Variants in DOCK10 observed in about 807,000 individuals in gnomAD.
The protein encoded by DOCK10 is dedicator of cytokinesis protein 10.
In DOCK10, 145 loss-of-function variants were observed where a neutral mutation model predicts 280.1. That is an observed-to-expected ratio of 0.52 (90% CI 0.45 to 0.59). DOCK10 has a LOEUF of 0.59. Ranked by LOEUF, DOCK10 falls within the 20% of genes least tolerant of loss-of-function variation. The pLI is 0.00. For synonymous variants in DOCK10, 915 were observed against 942.2 expected (o/e 0.97, Z 0.53); for missense variants, 2,368 against 2,651.7 (o/e 0.89, Z 2.35).
Position 224,989,783 on chromosome 2 carries a change from C to T in DOCK10, c.123+52469G>A, listed in dbSNP as rs188812134. 2.6e-3 allele frequency among the ~76,000 whole-genome samples: 401 copies of T among 152,256 alleles called. 2 individuals carry two copies. The highest frequency in any genetic ancestry group is 9.4e-3 in the African/African-American group (389 of 41,546). ...ATTCTTCCTAGGACCCAGTTAGTTACCCTTTATCAAGTTGCATCTCTGCCC... is the reference window on the plus strand; with the variant it reads ...ATTCTTCCTAGGACCCAGTTAGTTATCCTTTATCAAGTTGCATCTCTGCCC... On this transcript the variant is annotated intron_variant, in intron 1 of 55. Coordinates refer to ENST00000258390, the MANE Select transcript of DOCK10 (RefSeq NM_014689.3).
chr2:225,013,921 ATAAG>A (rs1283924731), intron 1 of DOCK10, among the ~76,000 whole-genome samples: 1 of 152,050 alleles, frequency 6.6e-6, no homozygotes, highest in Non-Finnish European at 1.5e-5. Flanking sequence ...CAAAAAGTAG[ATAAG>A]TAACTCAAGA....
intron 1 of DOCK10, among the ~76,000 whole-genome samples, chr2:224,948,770 G>A (rs1003391596): frequency 2.0e-5 from 3 of 152,166 alleles, no homozygotes; most frequent in Non-Finnish European, 2.9e-5. Context: ...ACCATCTGTG[G>A]ATCCATCCAA....
intron 1 of DOCK10, among the ~76,000 whole-genome samples, chr2:224,991,047 TATC>T (rs1271592657): frequency 3.3e-5 from 5 of 152,176 alleles, no homozygotes. Context: ...CCAGAAGCAA[TATC>T]ATTCTGACCT....
At chr2:224,790,164 G>T (rs997289927) in intron 47 of DOCK10, among the ~76,000 whole-genome samples, 1 of 152,176 alleles carries the variant, frequency 6.6e-6, no homozygotes, top group African/African-American at 2.4e-5. Context: ...GATTTTAAAA[G>T]GTCTGTCTCT....
intron 1 of DOCK10, among the ~76,000 whole-genome samples, chr2:224,998,968 C>G (rs1160214711): frequency 2.0e-5 from 3 of 152,162 alleles, no homozygotes; most frequent in Non-Finnish European, 4.4e-5. Context: ...AGGTGGATCA[C>G]TTGAGGTCAG....
intron 31 of DOCK10, among the ~76,000 whole-genome samples, chr2:224,812,396 T>C (rs1294309568): frequency 6.6e-6 from 1 of 152,220 alleles, no homozygotes; most frequent in African/African-American, 2.4e-5. Flanking sequence ...GCTGAGACAA[T>C]GAGGTTTTCT....
intron 1 of DOCK10, among the ~76,000 whole-genome samples, chr2:224,945,047 G>A (rs943725815): frequency 2.6e-5 from 4 of 152,166 alleles, no homozygotes. Flanking sequence ...TCTGGGGACT[G>A]TCCTCTTGCC....
At chr2:224,936,173 TAGTACATGCCATAAATAATGGTGC>T (rs1227267263) in intron 1 of DOCK10, among the ~76,000 whole-genome samples, 2 of 152,180 alleles carry the variant, frequency 1.3e-5, no homozygotes, top group African/African-American at 4.8e-5. Context: ...GAATGACTAT[TAGTACATGCCATAAATAATGGTGC>T]AGTGCATGCC....
At chr2:224,867,379 G>T (rs182338691) in intron 11 of DOCK10, among the ~76,000 whole-genome samples, 1 of 152,272 alleles carries the variant, frequency 6.6e-6, no homozygotes, top group Admixed American at 6.5e-5. Flanking sequence ...GGGCTGCCCT[G>T]CACCTGTATC....
At chr2:224,908,518 G>A (rs1700813951) in intron 3 of DOCK10, among the ~76,000 whole-genome samples, 1 of 151,966 alleles carries the variant, frequency 6.6e-6, no homozygotes, top group Non-Finnish European at 1.5e-5. Context: ...TCTACGGACA[G>A]AGTCTCACTC....
chr2:224,883,143 C>T lies in DOCK10; in HGVS notation c.747+2528G>A, dbSNP rs80097344. 7.4e-3 allele frequency among the ~76,000 whole-genome samples: 1,135 copies of T among 152,352 alleles called. 8 individuals are homozygous for T. Among genetic ancestry groups the T allele is most frequent in the Non-Finnish European group, 0.013 (861 of 68,036 alleles). On this transcript the variant is annotated intron_variant, in intron 7 of 55. Coordinates refer to ENST00000258390, the MANE Select transcript of DOCK10 (RefSeq NM_014689.3). ...GCCCAGCTTTTTCTGTACAGACTTA[C>T]AGCCTGAGCTGAAAGAGTTCATCAT...
chr2:224,939,413 G>A (rs1438877494), intron 1 of DOCK10, among the ~76,000 whole-genome samples: 1 of 152,140 alleles, frequency 6.6e-6, no homozygotes, highest in Non-Finnish European at 1.5e-5. Context: ...TTATGAGCAT[G>A]TTAAAATTCA....
rs745394860 is a variant in DOCK10 at position 224,804,164 on chromosome 2, T to A, written c.4216A>T (p.Thr1406Ser). Reference protein sequence around the residue: ...KFVQSTQNNGTLKGSNPSCQT... With the variant: ...KFVQSTQNNGSLKGSNPSCQT... ...CAGGAAGGATTGGATCCTTTGAGAG[T>A]TCCATTGTTCTGGGTGGACTGCACA... is the stretch of plus-strand genomic sequence containing the variant. The change falls in exon 39 of 56, where the codon ACT becomes TCT. Residue 1406 changes from threonine to serine, a missense_variant. Physicochemically the swap from Thr to Ser is moderately conservative, Grantham distance 58. Around this residue, in one of 2 missense-constraint regions of DOCK10, gnomAD observed 1,159 missense variants for 1,400.8 expected, o/e 0.83. Transcript: ENST00000258390. The A allele has an allele frequency of 1.9e-6, 3 of 1,611,766 alleles. No homozygotes were observed. In the South Asian group the frequency reaches 3.3e-5, roughly 18 times the overall value.
intron 1 of DOCK10, among the ~76,000 whole-genome samples, chr2:225,035,039 C>A (rs998915137): frequency 6.6e-6 from 1 of 152,116 alleles, no homozygotes; most frequent in East Asian, 1.9e-4. Flanking sequence ...TTCAAGAGCC[C>A]AATCACCTAA....
chr2:224,903,437 T>G (rs1700425161), intron 3 of DOCK10, among the ~76,000 whole-genome samples: 2 of 152,258 alleles, frequency 1.3e-5, no homozygotes, highest in African/African-American at 4.8e-5. Flanking sequence ...CAGTATTTTA[T>G]TCATGGTAAA....
intron 5 of DOCK10, 44 bp from the exon 6 acceptor site, chr2:224,886,229 C>G (rs773221376): frequency 3.8e-5 from 62 of 1,612,126 alleles, no homozygotes; most frequent in Non-Finnish European, 5.2e-5. Context: ...TTTTGTGGAT[C>G]CTAGATCCTA....
chr2:225,009,089 T>C (rs1024590010), intron 1 of DOCK10, among the ~76,000 whole-genome samples: 21 of 152,142 alleles, frequency 1.4e-4, no homozygotes, highest in African/African-American at 4.3e-4. Context: ...GCAGCCAACA[T>C]TGGAAAGACC....
intron 1 of DOCK10, among the ~76,000 whole-genome samples, chr2:225,039,723 C>T (rs993822382): frequency 2.0e-4 from 31 of 152,122 alleles, no homozygotes; most frequent in African/African-American, 7.0e-4. Context: ...TGTATACACA[C>T]CCCATTCTCA....
chr2:225,000,903 GA>G (rs1706413745), intron 1 of DOCK10, among the ~76,000 whole-genome samples: 1 of 152,194 alleles, frequency 6.6e-6, no homozygotes, highest in Non-Finnish European at 1.5e-5. Context: ...TTGAACTGAG[GA>G]CGCAGAGGTT....
Sources: allele counts gnomAD v4.1 joint callset (sites outside exome capture counted in the v4.1 genomes callset), GRCh38; gene constraint gnomAD v4.1.1; regional missense constraint gnomAD v4.1.1; transcripts MANE v1.5; gene names NCBI Gene and HGNC (gene_info 2026-07-23, HGNC 2026-07-21).